The following SPON1 variants were observed in gnomAD, a reference collection of about 807,000 sequenced individuals.
The protein encoded by SPON1 is spondin 1, also known as spondin-1.
Under a neutral mutation model 111.7 loss-of-function variants are expected in SPON1, and 52 were observed. The ratio of observed to expected loss-of-function variants is 0.47; its 90% CI spans 0.37 to 0.59. The LOEUF (loss-of-function observed/expected upper bound fraction) is 0.59. Ranked by LOEUF, SPON1 falls within the 20% of genes least tolerant of loss-of-function variation. The pLI, the probability that SPON1 is intolerant of heterozygous loss-of-function variation, is 0.00. For synonymous variants in SPON1, 410 were observed against 395.8 expected (o/e 1.04, Z -0.43); for missense variants, 957 against 1,068.5 (o/e 0.90, Z 1.46).
intron 2 of SPON1, among the ~76,000 whole-genome samples, chr11:14,030,858 T>G (rs1554915969): frequency 6.6e-6 from 1 of 152,216 alleles, no homozygotes; most frequent in Non-Finnish European, 1.5e-5. Context: ...TTACTGGGTA[T>G]ATATGCAAAG....
chr11:14,184,037 G>C (rs923806838), intron 6 of SPON1, among the ~76,000 whole-genome samples: 1 of 152,208 alleles, frequency 6.6e-6, no homozygotes, highest in Admixed American at 6.5e-5. Context: ...ATATGGATCA[G>C]ATGGGATAGT....
chr11:14,183,116 C>G (rs1164904241), intron 6 of SPON1, among the ~76,000 whole-genome samples: 2 of 152,138 alleles, frequency 1.3e-5, no homozygotes, highest in Non-Finnish European at 2.9e-5. Flanking sequence ...AACTTAAATT[C>G]CTTTTAACTG....
intron 5 of SPON1, among the ~76,000 whole-genome samples, chr11:14,091,836 G>A (rs1554923434): frequency 6.6e-6 from 1 of 152,208 alleles, no homozygotes; most frequent in African/African-American, 2.4e-5. Flanking sequence ...CCCAGGCAGG[G>A]GAGGTGCCGA....
At chr11:14,130,282 G>A (rs913535506) in intron 5 of SPON1, among the ~76,000 whole-genome samples, 17 of 152,214 alleles carry the variant, frequency 1.1e-4, no homozygotes, top group African/African-American at 3.9e-4. Flanking sequence ...GATGGACTCT[G>A]GAAACAAAGA....
chr11:14,216,698 AAAT>A (rs1848629971), intron 6 of SPON1, among the ~76,000 whole-genome samples: 1 of 152,156 alleles, frequency 6.6e-6, no homozygotes, highest in Admixed American at 6.5e-5. Context: ...CCCACTCTTC[AAAT>A]AACTAGCCCA....
chr11:13,972,185 A>T (rs1452980581), intron 1 of SPON1, among the ~76,000 whole-genome samples: 2 of 152,134 alleles, frequency 1.3e-5, no homozygotes, highest in Non-Finnish European at 2.9e-5. Flanking sequence ...TGATAGAATG[A>T]TTATCTCCTT....
At chr11:14,037,582 C>T (rs1366094263) in intron 2 of SPON1, among the ~76,000 whole-genome samples, 1 of 148,306 alleles carries the variant, frequency 6.7e-6, no homozygotes, top group Non-Finnish European at 1.5e-5. Context: ...AAAATTAACT[C>T]AAAATGGATT....
At chr11:14,174,611 G>A (rs7940095) in intron 6 of SPON1, among the ~76,000 whole-genome samples, 27,271 of 151,102 alleles carry the variant, frequency 0.18, 2,555 homozygotes, top group Admixed American at 0.24. Context: ...CGAGGCTACC[G>A]GAAGTTATCT....
chr11:14,229,648 T>G lies in SPON1; in HGVS notation c.826-13684T>G, dbSNP rs146139933. Reference sequence around the variant, plus strand: ...GGGCAGTCTGTCTGGTCTACTGCCCTGTGACGGGAGCCCAGCACAGTGTCC... The same window carrying G: ...GGGCAGTCTGTCTGGTCTACTGCCCGGTGACGGGAGCCCAGCACAGTGTCC... On this transcript the variant is annotated intron_variant, in intron 6 of 15. Coordinates refer to ENST00000576479, the MANE Select transcript of SPON1 (RefSeq NM_006108.4). 5.9e-5 allele frequency among the ~76,000 whole-genome samples: 9 copies of G among 152,300 alleles called. 1 individual carries two copies. In the East Asian group the frequency reaches 1.7e-3, roughly 29 times the overall value.
chr11:14,222,927 T>G (rs1320912068), intron 6 of SPON1, among the ~76,000 whole-genome samples: 5 of 152,150 alleles, frequency 3.3e-5, no homozygotes, highest in African/African-American at 4.8e-5. Context: ...CACATCACTG[T>G]CCCACCCATC....
intron 3 of SPON1, among the ~76,000 whole-genome samples, chr11:14,042,512 G>A (rs1848639621): frequency 6.6e-6 from 1 of 152,132 alleles, no homozygotes; most frequent in Admixed American, 6.5e-5. Context: ...AGTCCTATAT[G>A]GAATGATGCT....
rs78954279 is a variant in SPON1, at chr11:14,093,196, G to C, written c.676+13175G>C. ...AGAACTGCCAGCTCCTGCAATGTCTGTTCGAGGCACTGTGAGTCTGTAGCT... is the reference window on the plus strand; with the variant it reads ...AGAACTGCCAGCTCCTGCAATGTCTCTTCGAGGCACTGTGAGTCTGTAGCT... On this transcript the variant is annotated intron_variant, in intron 5 of 15. Transcript: ENST00000576479. 7.7e-3 allele frequency among the ~76,000 whole-genome samples: 1,176 copies of C among 152,356 alleles called. 16 individuals carry two copies. Among genetic ancestry groups the C allele is most frequent in the African/African-American group, 0.027 (1,108 of 41,586 alleles).
intron 6 of SPON1, among the ~76,000 whole-genome samples, chr11:14,210,763 T>G (rs1554936644): frequency 6.6e-6 from 1 of 152,200 alleles, no homozygotes; most frequent in Non-Finnish European, 1.5e-5. Flanking sequence ...TTGATCTATC[T>G]TGAGTTAATT....
intron 3 of SPON1, 31 bp downstream of exon 3, chr11:14,041,685 T>A (rs1214132322): frequency 1.2e-6 from 2 of 1,611,224 alleles, no homozygotes; most frequent in Admixed American, 3.4e-5. Flanking sequence ...TCCCTGCAGT[T>A]TATCAAAGAC....
At chr11:14,119,094 C>G (rs1364818287) in intron 5 of SPON1, among the ~76,000 whole-genome samples, 2 of 152,118 alleles carry the variant, frequency 1.3e-5, no homozygotes, top group East Asian at 3.8e-4. Context: ...CTTATGGAAA[C>G]AGGAGGAGCA....
intron 6 of SPON1, among the ~76,000 whole-genome samples, chr11:14,146,031 A>G (rs7109409): frequency 0.39 from 59,756 of 152,048 alleles, 12,011 homozygotes; most frequent in East Asian, 0.55. Context: ...AACATACACC[A>G]GAAACTCCTT....
intron 6 of SPON1, among the ~76,000 whole-genome samples, chr11:14,184,868 C>G (rs1401924731): frequency 6.6e-6 from 1 of 152,190 alleles, no homozygotes; most frequent in African/African-American, 2.4e-5. Flanking sequence ...CAAGTAGCTA[C>G]AAACTTGTCA....
chr11:14,171,980 T>C (rs1429494571), intron 6 of SPON1, among the ~76,000 whole-genome samples: 1 of 152,222 alleles, frequency 6.6e-6, no homozygotes, highest in African/African-American at 2.4e-5. Flanking sequence ...TGATTTGGGG[T>C]GGAGAGTTCT....
intron 7 of SPON1, among the ~76,000 whole-genome samples, chr11:14,249,674 A>G (rs1849032281): frequency 6.6e-6 from 1 of 152,162 alleles, no homozygotes; most frequent in Non-Finnish European, 1.5e-5. Context: ...AGGGGATGGT[A>G]AGTCTCTAGA....
Sources: allele counts gnomAD v4.1 joint callset (sites outside exome capture counted in the v4.1 genomes callset), GRCh38; gene constraint gnomAD v4.1.1; transcripts MANE v1.5; gene names NCBI Gene and HGNC (gene_info 2026-07-23, HGNC 2026-07-21).